ARFGEF2: variants seen among roughly 807,000 people sequenced by gnomAD.
ARFGEF2 encodes ARF guanine nucleotide exchange factor 2, also known as brefeldin A-inhibited guanine nucleotide-exchange protein 2.
A neutral mutation model predicts 219.9 loss-of-function variants in ARFGEF2; 74 were observed. The observed-to-expected ratio is 0.34, with a 90% CI of 0.28 to 0.41. The LOEUF (loss-of-function observed/expected upper bound fraction) is 0.41, where lower values mean the gene tolerates loss of function less well. Among genes scored for constraint, ARFGEF2 ranks in the 10% least tolerant of loss-of-function variants. The pLI is 1.00. For missense variants in ARFGEF2, 1,743 were observed against 2,218.3 expected (o/e 0.79, Z 4.30); for synonymous variants, 733 against 799.2 (o/e 0.92, Z 1.40).
At chr20:49,008,856 C>T (rs1312976262) in intron 26 of ARFGEF2, among the ~76,000 whole-genome samples, 1 of 151,908 alleles carries the variant, frequency 6.6e-6, no homozygotes, top group Non-Finnish European at 1.5e-5. Flanking sequence ...CACAGGCGTG[C>T]ATCACTATGT....
intron 6 of ARFGEF2, among the ~76,000 whole-genome samples, chr20:48,960,639 A>G (rs1258310700): frequency 5.9e-5 from 9 of 151,632 alleles, no homozygotes; most frequent in Non-Finnish European, 5.9e-5. Context: ...GCCCGCTACC[A>G]CACCTGGCTA....
At chr20:48,990,035 C>T (rs1239818706) in intron 20 of ARFGEF2, among the ~76,000 whole-genome samples, 8 of 151,990 alleles carry the variant, frequency 5.3e-5, no homozygotes, top group African/African-American at 1.5e-4. Flanking sequence ...TAAAATTAGC[C>T]GGGTGTGGTG....
At chr20:48,958,334 A>G (rs1283225767) in intron 6 of ARFGEF2, among the ~76,000 whole-genome samples, 1 of 152,196 alleles carries the variant, frequency 6.6e-6, no homozygotes, top group Non-Finnish European at 1.5e-5. Context: ...CCACAGTGGG[A>G]AGTGGCAGAG....
chr20:48,996,630 G>A (rs1600642600), intron 23 of ARFGEF2, among the ~76,000 whole-genome samples: 2 of 151,700 alleles, frequency 1.3e-5, no homozygotes, highest in East Asian at 3.9e-4. Context: ...AGTAATCCCA[G>A]CTACTCGGGA....
chr20:49,009,635 T>G (rs1440607267), intron 26 of ARFGEF2, among the ~76,000 whole-genome samples: 1 of 152,166 alleles, frequency 6.6e-6, no homozygotes, highest in Middle Eastern at 3.2e-3. Context: ...TTCCAGAAAA[T>G]CAGCCATTTT....
intron 14 of ARFGEF2, among the ~76,000 whole-genome samples, chr20:48,977,129 C>T (rs1372272281): frequency 2.6e-5 from 4 of 151,314 alleles, no homozygotes; most frequent in East Asian, 1.9e-4. Context: ...CCTCCCCCTG[C>T]GCCCCACCCC....
chr20:48,990,013 C>G (rs1458574861), intron 20 of ARFGEF2, among the ~76,000 whole-genome samples: 2 of 152,172 alleles, frequency 1.3e-5, no homozygotes, highest in Non-Finnish European at 2.9e-5. Flanking sequence ...AACCCCATCT[C>G]TACTAAAAAT....
In ARFGEF2 at chr20:48,951,322, G is replaced by A; in HGVS notation, c.277-1G>A. On this transcript the variant is annotated splice_acceptor_variant, in intron 3 of 38. Transcript: ENST00000371917. LOFTEE classifies it high-confidence loss of function. ...ATAATCTCTGTTCTTTCTCTCTTTA[G>A]AAACTCATCGCATACGGGCACATCA... 6.2e-7 allele frequency: 1 copy of A among 1,614,088 alleles called. No individual in the cohort carries two copies. Among genetic ancestry groups the A allele is most frequent in the Non-Finnish European group, 8.5e-7 (1 of 1,179,988 alleles).
Position 48,991,170 on chromosome 20 carries a change from G to A in ARFGEF2, c.2945G>A (p.Gly982Asp), listed in dbSNP as rs1317287644. The A allele has an allele frequency of 6.2e-7, 1 of 1,614,208 alleles. No homozygotes were observed. Reference sequence around the variant, plus strand: ...CTTATCACAGTGGCTCACACCGATGGCAACTACCTTGGGAATTCCTGGCAT... The same window carrying A: ...CTTATCACAGTGGCTCACACCGATGACAACTACCTTGGGAATTCCTGGCAT... Reference protein sequence around the residue: ...KTLITVAHTDGNYLGNSWHEI... With the variant: ...KTLITVAHTDDNYLGNSWHEI... The change falls in exon 21 of 39, where the codon GGC (glycine) becomes GAC (aspartate). Residue 982 changes from glycine to aspartate, a missense_variant. Gly to Asp is a moderately conservative substitution (Grantham distance 94). Transcript: ENST00000371917.
intron 26 of ARFGEF2, among the ~76,000 whole-genome samples, chr20:49,007,031 G>A (rs929843687): frequency 1.3e-5 from 2 of 152,082 alleles, no homozygotes; most frequent in African/African-American, 4.8e-5. Context: ...CATTTTAAAG[G>A]ATCACCCTGC....
At chr20:48,947,905 A>G (rs563298022) in intron 3 of ARFGEF2, among the ~76,000 whole-genome samples, 2 of 152,308 alleles carry the variant, frequency 1.3e-5, no homozygotes, top group South Asian at 4.1e-4. Flanking sequence ...AGCATACAAA[A>G]ATACAACTTT....
chr20:48,939,654 A>G (rs2090981641), intron 1 of ARFGEF2, among the ~76,000 whole-genome samples: 1 of 152,118 alleles, frequency 6.6e-6, no homozygotes, highest in South Asian at 2.1e-4. Flanking sequence ...GTGTGTCACA[A>G]CCCTTATGGT....
In ARFGEF2 at chr20:48,953,763, C is replaced by T. The variant is rs143570842; in HGVS notation, c.811C>T (p.Pro271Ser). ...GKVSTENGDA[P>S]RERGSSLSGT... is the part of the protein sequence containing the mutation. Reference sequence around the variant, plus strand: ...AGTAAGCACAGAAAATGGAGACGCACCCAGAGAAAGAGGCTCATCACTGTC... The same window carrying T: ...AGTAAGCACAGAAAATGGAGACGCATCCAGAGAAAGAGGCTCATCACTGTC... Residue 271 changes from proline (P) to serine (S), a missense_variant, in exon 6 of 39, where the codon CCC (proline) becomes TCC (serine). This residue lies in a region of ARFGEF2 where 394 missense variants were observed against 426.6 expected (regional missense o/e 0.92). Coordinates refer to ENST00000371917, the MANE Select transcript of ARFGEF2 (RefSeq NM_006420.3). The T allele has an allele frequency of 1.4e-5, 23 of 1,613,948 alleles. No homozygotes were observed. The South Asian group carries it at 1.4e-4, about 10-fold the overall frequency.
chr20:48,990,185 A>AAATAAT (rs953296128), intron 20 of ARFGEF2, among the ~76,000 whole-genome samples: 4 of 152,000 alleles, frequency 2.6e-5, no homozygotes, highest in South Asian at 2.1e-4. Context: ...ATCTCAAAGA[A>AAATAAT]AATAATAATA....
At chr20:49,030,970 C>A (rs1182351850) in intron 37 of ARFGEF2, among the ~76,000 whole-genome samples, 1 of 151,978 alleles carries the variant, frequency 6.6e-6, no homozygotes, top group African/African-American at 2.4e-5. Context: ...CCAGCCTGGG[C>A]AACAAGAGCA....
Position 48,936,119 on chromosome 20 carries a change from G to A in ARFGEF2, c.122-5080G>A, listed in dbSNP as rs1335952672. Among the ~76,000 whole-genome samples, 3 of 140,124 alleles carry A rather than the reference G, an allele frequency of 2.1e-5. No individual in the cohort carries two copies. In the East Asian group the frequency reaches 6.8e-4, roughly 32 times the overall value. 91.9% of individuals were successfully genotyped at this position (140,124 alleles called of 152,430 possible). The stretch of plus-strand genomic sequence containing the variant: ...CCCGGACGGGGCGGCTGGCCGGGCG[G>A]GGGGCTGACCCCCCCACCTCCCTCC... On this transcript the variant is annotated intron_variant, in intron 1 of 38. Transcript: ENST00000371917.
Position 48,988,474 on chromosome 20 carries a change from A to C in ARFGEF2, c.2362-17A>C. 1 of 1,610,438 alleles carries C rather than the reference A, an allele frequency of 6.2e-7. No individual in the cohort carries two copies. The highest frequency in any genetic ancestry group is 8.5e-7 in the Non-Finnish European group (1 of 1,177,278). ...TTGGATGTTTTTTAAATGGTTTTTA[A>C]TTTTTTTTAATTACAGGTAAAAAAT... On this transcript the variant is annotated splice_polypyrimidine_tract_variant and intron_variant, in intron 17 of 38. Transcript: ENST00000371917.
intron 3 of ARFGEF2, among the ~76,000 whole-genome samples, chr20:48,950,811 A>AATT (rs1555808098): frequency 9.3e-5 from 6 of 64,512 alleles, no homozygotes; most frequent in Non-Finnish European, 1.3e-4. Context: ...AAAAAAAAAA[A>AATT]ATATATATAT....
chr20:48,971,829 A>T (rs963486458), intron 10 of ARFGEF2, among the ~76,000 whole-genome samples: 1 of 151,972 alleles, frequency 6.6e-6, no homozygotes, highest in Non-Finnish European at 1.5e-5. Context: ...TGAACCCGGG[A>T]GGCGGAGCTT....
Sources: allele counts gnomAD v4.1 joint callset (sites outside exome capture counted in the v4.1 genomes callset), GRCh38; gene constraint gnomAD v4.1.1; regional missense constraint gnomAD v4.1.1; transcripts MANE v1.5; gene names NCBI Gene and HGNC (gene_info 2026-07-23, HGNC 2026-07-21).